Variants in EPB41L3 observed in about 807,000 individuals in gnomAD.
EPB41L3 encodes erythrocyte membrane protein band 4.1 like 3.
Under a neutral mutation model 127.1 loss-of-function variants are expected in EPB41L3, and 57 were observed. The ratio of observed to expected loss-of-function variants is 0.45; its 90% CI spans 0.36 to 0.56. The LOEUF is 0.56. Among genes scored for constraint, EPB41L3 ranks in the 20% least tolerant of loss-of-function variants. The probability of loss-of-function intolerance (pLI) is 0.00; values close to 1 mark genes in which losing one functional copy is unlikely to be tolerated. For synonymous variants in EPB41L3, 572 were observed against 549.5 expected, an observed-to-expected ratio of 1.04 and a Z score of -0.57; for missense variants, 1,273 against 1,372.2, an observed-to-expected ratio of 0.93 and a Z score of 1.14.
At chr18:5,414,574 T>C (rs929602657) in intron 13 of EPB41L3, among the ~76,000 whole-genome samples, 1 of 152,190 alleles carries the variant, frequency 6.6e-6, no homozygotes, top group Admixed American at 6.5e-5. Context: ...TTTTTAGCAT[T>C]GCCTTGACTT....
chr18:5,546,524 G>A (rs112956677), upstream of EPB41L3, among the ~76,000 whole-genome samples: 2 of 152,048 alleles, frequency 1.3e-5, no homozygotes, highest in Non-Finnish European at 2.9e-5. Flanking sequence ...AGAGAGACTC[G>A]TCTCAAAAAA....
intron 5 of EPB41L3, among the ~76,000 whole-genome samples, chr18:5,440,064 T>A (rs2080443101): frequency 6.6e-6 from 1 of 152,190 alleles, no homozygotes; most frequent in South Asian, 2.1e-4. Context: ...CAACCTATAG[T>A]GAGCCGAAGA....
intron 2 of EPB41L3, among the ~76,000 whole-genome samples, chr18:5,484,080 C>A: frequency 1.1e-4 from 1 of 8,956 alleles, no homozygotes; most frequent in Non-Finnish European, 2.7e-4. Flanking sequence ...CAAGTCCAAA[C>A]AAACTCAAAA....
At chr18:5,604,882 C>T (rs1031168071) in intron 3 of EPB41L3, among the ~76,000 whole-genome samples, 2 of 152,116 alleles carry the variant, frequency 1.3e-5, no homozygotes, top group Admixed American at 1.3e-4. Context: ...AAAGTTACGC[C>T]CATATGGTGG....
chr18:5,545,299 C>T (rs373660748), upstream of EPB41L3, among the ~76,000 whole-genome samples: 4 of 152,242 alleles, frequency 2.6e-5, no homozygotes, highest in African/African-American at 9.6e-5. Context: ...AATGGATTCA[C>T]AAAAATATTG....
At chr18:5,448,371 T>C (rs1480488847) in intron 3 of EPB41L3, among the ~76,000 whole-genome samples, 1 of 152,194 alleles carries the variant, frequency 6.6e-6, no homozygotes, top group Non-Finnish European at 1.5e-5. Flanking sequence ...CCAGATGATT[T>C]TTTTTTCTAG....
chr18:5,438,735 C>T (rs955371090), intron 5 of EPB41L3, among the ~76,000 whole-genome samples: 2 of 152,130 alleles, frequency 1.3e-5, no homozygotes, highest in Non-Finnish European at 2.9e-5. Flanking sequence ...CCAAATTTTG[C>T]ACCTGCACCT....
At chr18:5,508,479 AG>A (rs545721749) in intron 1 of EPB41L3, among the ~76,000 whole-genome samples, 1 of 152,172 alleles carries the variant, frequency 6.6e-6, no homozygotes, top group Non-Finnish European at 1.5e-5. Flanking sequence ...ATAAGAATCT[AG>A]TAAGAGGCTG....
At position 5,414,757 on chromosome 18, in the gene EPB41L3, A is replaced by G. The variant is rs532061495; in HGVS notation, c.2067+1061T>C. ...CTTCTATTATTCTTCCCTGCACTCT[A>G]TTTGAAGCCTGGAGAAAGAGAAACT... On this transcript the variant is annotated intron_variant, in intron 13 of 22. Coordinates refer to ENST00000341928, the MANE Select transcript of EPB41L3 (RefSeq NM_012307.5). 3.3e-5 allele frequency among the ~76,000 whole-genome samples: 5 copies of G among 152,232 alleles called. No individual in the cohort carries two copies. The East Asian group carries it at 5.8e-4, about 18-fold the overall frequency.
chr18:5,561,514 T>C (rs912207614), intron 3 of EPB41L3, among the ~76,000 whole-genome samples: 1 of 151,858 alleles, frequency 6.6e-6, no homozygotes, highest in Non-Finnish European at 1.5e-5. Flanking sequence ...CTCCTAAAAA[T>C]AAATGAACCA....
chr18:5,572,537 T>G (rs941572415), intron 3 of EPB41L3, among the ~76,000 whole-genome samples: 5 of 152,170 alleles, frequency 3.3e-5, no homozygotes, highest in African/African-American at 1.2e-4. Flanking sequence ...TTTTCTTATT[T>G]GAACTTCTGA....
rs772077627 is a variant in EPB41L3 at position 5,397,138 on chromosome 18, C to A, written c.2761G>T (p.Ala921Ser). Reference protein sequence around the residue: ...KAVLEQEETAAASRERQEEQS... With the variant: ...KAVLEQEETASASRERQEEQS... ...TCCTCTTGTCGCTCACGGGAAGCAG[C>A]GGCTGTCTCTTCCTGTTCCAGGACA... is the stretch of plus-strand genomic sequence containing the variant. The change falls in exon 18 of 23, where the codon GCT becomes TCT. Residue 921 changes from alanine (A) to serine (S), a missense_variant. Around this residue, in one of 3 missense-constraint regions of EPB41L3, gnomAD observed 765 missense variants for 782.9 expected, o/e 0.98. Transcript: ENST00000341928. The surrounding 1 kb of genome is among the most constrained non-coding windows in gnomAD (Gnocchi z 4.1). 6.2e-7 allele frequency: 1 copy of A among 1,614,156 alleles called. No homozygotes were observed. Among genetic ancestry groups the A allele is most frequent in the Non-Finnish European group, 8.5e-7 (1 of 1,180,012 alleles).
chr18:5,558,251 T>A (rs547318123), intron 3 of EPB41L3, among the ~76,000 whole-genome samples: 1 of 152,304 alleles, frequency 6.6e-6, no homozygotes, highest in Non-Finnish European at 1.5e-5. Flanking sequence ...CTGATACATT[T>A]GTTTAAAAAA....
At chr18:5,515,959 A>C (rs889071521) in intron 1 of EPB41L3, among the ~76,000 whole-genome samples, 9 of 152,226 alleles carry the variant, frequency 5.9e-5, no homozygotes, top group Non-Finnish European at 1.3e-4. Context: ...AACCTCAGGA[A>C]GTCATCATTT....
chr18:5,523,482 A>C (rs139842769), intron 1 of EPB41L3, among the ~76,000 whole-genome samples: 1 of 152,242 alleles, frequency 6.6e-6, no homozygotes, highest in Non-Finnish European at 1.5e-5. Flanking sequence ...TGAAGTTTTA[A>C]AATATACCCA....
intron 3 of EPB41L3, among the ~76,000 whole-genome samples, chr18:5,466,112 A>T (rs1406719381): frequency 6.6e-6 from 1 of 152,214 alleles, no homozygotes; most frequent in Non-Finnish European, 1.5e-5. Flanking sequence ...AGCAAACAAC[A>T]TTGGACTGAA....
chr18:5,495,217 G>GCTGA (rs1477703027), intron 1 of EPB41L3, among the ~76,000 whole-genome samples: 1 of 152,176 alleles, frequency 6.6e-6, no homozygotes, highest in Non-Finnish European at 1.5e-5. Context: ...CTCCTGTGGA[G>GCTGA]CTGACTGACT....
intron 3 of EPB41L3, among the ~76,000 whole-genome samples, chr18:5,465,360 A>C (rs2084771216): frequency 6.6e-6 from 1 of 152,238 alleles, no homozygotes; most frequent in South Asian, 2.1e-4. Flanking sequence ...AACAAAAATG[A>C]GAAATTGAGA....
intron 1 of EPB41L3, among the ~76,000 whole-genome samples, chr18:5,531,731 CA>C (rs57625472): frequency 0.13 from 9,042 of 67,686 alleles, 393 homozygotes; most frequent in African/African-American, 0.25. Context: ...GACCCTGTCT[CA>C]AAAAAAAAAA....
Sources: allele counts gnomAD v4.1 joint callset (sites outside exome capture counted in the v4.1 genomes callset), GRCh38; gene constraint gnomAD v4.1.1; regional missense constraint gnomAD v4.1.1; non-coding constraint Gnocchi (gnomAD v3.1); transcripts MANE v1.5; gene names NCBI Gene and HGNC (gene_info 2026-07-23, HGNC 2026-07-21).